LRRTM4: variants seen among roughly 807,000 people sequenced by gnomAD.
The protein encoded by LRRTM4 is leucine rich repeat transmembrane neuronal 4.
In LRRTM4, 25 loss-of-function variants were observed where a neutral mutation model predicts 47.6. The observed-to-expected ratio is 0.53, with a 90% confidence interval of 0.38 to 0.73. The LOEUF (loss-of-function observed/expected upper bound fraction) is 0.73, where lower values mean the gene tolerates loss of function less well. LRRTM4 is among the 30% of genes least tolerant of loss of function. The pLI is 0.00. For missense variants in LRRTM4, 638 were observed against 713.4 expected (o/e 0.89, Z 1.20); for synonymous variants, 311 against 269.5 (o/e 1.15, Z -1.51).
intron 3 of LRRTM4, among the ~76,000 whole-genome samples, chr2:77,069,366 G>T (rs532219193): frequency 6.6e-6 from 1 of 151,126 alleles, no homozygotes; most frequent in African/African-American, 2.4e-5. Context: ...TATATACCTA[G>T]AAGTACTGGG....
At chr2:77,476,818 T>C (rs1677411213) in intron 3 of LRRTM4, among the ~76,000 whole-genome samples, 1 of 152,144 alleles carries the variant, frequency 6.6e-6, no homozygotes, top group Admixed American at 6.5e-5. Context: ...AAAAAATAAG[T>C]AAATGGTGGT....
intron 3 of LRRTM4, among the ~76,000 whole-genome samples, chr2:77,068,883 G>A (rs1431085412): frequency 1.3e-5 from 2 of 151,744 alleles, no homozygotes; most frequent in South Asian, 2.1e-4. Flanking sequence ...GGAACACCTG[G>A]ACCTCCCAGG....
intron 3 of LRRTM4, among the ~76,000 whole-genome samples, chr2:77,040,342 C>T (rs115598362): frequency 7.3e-5 from 11 of 151,252 alleles, no homozygotes; most frequent in South Asian, 6.2e-4. Flanking sequence ...ATGGTGCACA[C>T]GAAATAACTA....
chr2:77,008,905 A>G (rs1677760823), intron 3 of LRRTM4: 1 of 150,438 alleles, frequency 6.6e-6, no homozygotes, highest in Non-Finnish European at 1.5e-5. Context: ...ATCATACAGT[A>G]TGCTAGGTCT....
intron 3 of LRRTM4, among the ~76,000 whole-genome samples, chr2:77,267,036 C>T (rs1676068181): frequency 1.3e-5 from 2 of 152,138 alleles, no homozygotes; most frequent in Admixed American, 6.6e-5. Flanking sequence ...ACCCTGCTTT[C>T]CTCCTGCTCT....
chr2:76,801,352 A>T (rs1042643037), intron 3 of LRRTM4, among the ~76,000 whole-genome samples: 20 of 152,154 alleles, frequency 1.3e-4, no homozygotes, highest in Admixed American at 3.3e-4. Context: ...TGATGAGTTC[A>T]CGTCCTTTGT....
chr2:77,313,251 T>C (rs180830303), intron 3 of LRRTM4, among the ~76,000 whole-genome samples: 79 of 151,244 alleles, frequency 5.2e-4, no homozygotes, highest in Middle Eastern at 6.9e-3. Flanking sequence ...TGTGCCTCCC[T>C]ACTTTTTCCT....
chr2:76,830,891 C>A (rs1490757866), intron 3 of LRRTM4, among the ~76,000 whole-genome samples: 7 of 151,814 alleles, frequency 4.6e-5, no homozygotes, highest in Admixed American at 4.0e-4. Flanking sequence ...TTATCTCTGA[C>A]CTAATAAAGA....
chr2:76,995,342 C>G (rs1677162869), intron 3 of LRRTM4, among the ~76,000 whole-genome samples: 1 of 152,008 alleles, frequency 6.6e-6, no homozygotes, highest in Non-Finnish European at 1.5e-5. Flanking sequence ...CTTGTGAATT[C>G]TGGTCAAGAT....
chr2:77,031,380 G>A (rs1468532220), intron 3 of LRRTM4, among the ~76,000 whole-genome samples: 1 of 151,984 alleles, frequency 6.6e-6, no homozygotes, highest in Non-Finnish European at 1.5e-5. Flanking sequence ...TCTACACAAG[G>A]TTTATTTTAC....
intron 3 of LRRTM4, among the ~76,000 whole-genome samples, chr2:77,176,838 G>A (rs1673209929): frequency 6.6e-6 from 1 of 152,126 alleles, no homozygotes; most frequent in African/African-American, 2.4e-5. Flanking sequence ...ACAGGATGAG[G>A]TGAAGAAGCC....
At chr2:77,284,779 G>A (rs1676604243) in intron 3 of LRRTM4, among the ~76,000 whole-genome samples, 1 of 151,950 alleles carries the variant, frequency 6.6e-6, no homozygotes, top group Admixed American at 6.6e-5. Flanking sequence ...AAATTATAAG[G>A]AAATTAGAAA....
intron 3 of LRRTM4, among the ~76,000 whole-genome samples, chr2:77,220,845 A>G (rs973694349): frequency 1.3e-5 from 2 of 152,192 alleles, no homozygotes; most frequent in African/African-American, 2.4e-5. Flanking sequence ...AATTCAGGAA[A>G]TACAGAGAAC....
rs75647640 is a variant in LRRTM4 at position 76,787,777 on chromosome 2, A to G, written c.1552-38861T>C. 1.0e-3 allele frequency among the ~76,000 whole-genome samples: 155 copies of G among 152,166 alleles called. 3 individuals are homozygous for G. The East Asian group carries it at 0.028, about 28-fold the overall frequency. ...AAAAACAATATAGATATTCTGACAG[A>G]TAGAGGTTCACTTGATTTTCTTTTC... On this transcript the variant is annotated intron_variant, in intron 3 of 3. Transcript: ENST00000409884.
intron 3 of LRRTM4, among the ~76,000 whole-genome samples, chr2:77,044,718 A>G (rs910979348): frequency 2.0e-5 from 3 of 151,754 alleles, no homozygotes; most frequent in South Asian, 2.1e-4. Flanking sequence ...ACATTTATGT[A>G]TATGTCTCAT....
chr2:77,469,937 A>G (rs1036643105), intron 3 of LRRTM4, among the ~76,000 whole-genome samples: 5 of 152,158 alleles, frequency 3.3e-5, no homozygotes, highest in Admixed American at 1.3e-4. Context: ...GTTAATTTAA[A>G]CAAAGACTTT....
intron 3 of LRRTM4, among the ~76,000 whole-genome samples, chr2:76,962,744 AAAGC>A (rs1483437543): frequency 6.6e-6 from 1 of 150,930 alleles, no homozygotes; most frequent in Non-Finnish European, 1.5e-5. Context: ...CTTAGGAATT[AAAGC>A]AAGTATTATG....
chr2:77,046,841 G>C lies in LRRTM4; in HGVS notation c.1552-297925C>G, dbSNP rs10181770. On this transcript the variant is annotated intron_variant, in intron 3 of 3. Transcript: ENST00000409884. The stretch of plus-strand genomic sequence containing the variant: ...AAGACAGAATGACTTTGAAGAGTTT[G>C]AAGTATTCACAATGCATTTATCATC... Among the ~76,000 whole-genome samples the C allele has an allele frequency of 3.2e-3, 488 of 152,080 alleles. 1 individual carries two copies. The highest frequency in any genetic ancestry group is 0.011 in the African/African-American group (467 of 41,524).
intron 3 of LRRTM4, among the ~76,000 whole-genome samples, chr2:77,490,408 T>C (rs192233059): frequency 6.6e-6 from 1 of 151,992 alleles, no homozygotes; most frequent in Non-Finnish European, 1.5e-5. Flanking sequence ...AAATTTGAAA[T>C]AAAACTAAAG....
Sources: gnomAD v4.1 joint callset for allele counts (sites outside exome capture counted in the v4.1 genomes callset) on GRCh38, gnomAD v4.1.1 for gene constraint, MANE v1.5 for transcripts, NCBI Gene and HGNC (gene_info 2026-07-23, HGNC 2026-07-21) for gene names.